Variants in IFT74 observed in about 807,000 individuals in gnomAD.
The protein encoded by IFT74 is intraflagellar transport protein 74 homolog.
Under a neutral mutation model 96.7 loss-of-function variants are expected in IFT74, and 92 were observed. The observed-to-expected ratio is 0.95, with a 90% CI of 0.80 to 1.13. IFT74 has a LOEUF of 1.13. IFT74 is among the 50% of genes most tolerant of loss of function. IFT74 has a pLI of 0.00. For missense variants in IFT74, 811 were observed against 698.2 expected, an observed-to-expected ratio of 1.16 and a Z score of -1.82; for synonymous variants, 223 against 213.2, an observed-to-expected ratio of 1.05 and a Z score of -0.40.
At chr9:26,995,131 T>A (rs1280302869) in intron 8 of IFT74, 2 of 154,502 alleles carry the variant, frequency 1.3e-5, no homozygotes, top group Non-Finnish European at 2.9e-5. Context: ...TATTAATAAA[T>A]CCTAAACTTT....
At chr9:27,045,485 A>G (rs1041028162) in intron 14 of IFT74, among the ~76,000 whole-genome samples, 3 of 151,944 alleles carry the variant, frequency 2.0e-5, no homozygotes, top group Non-Finnish European at 2.9e-5. Context: ...TACTTATCTC[A>G]TTGTTTATTA....
At chr9:27,055,569 A>C (rs1257235213) in intron 16 of IFT74, 40 bp from the exon 17 acceptor site, 18 of 1,424,616 alleles carry the variant, frequency 1.3e-5, no homozygotes, top group Non-Finnish European at 1.6e-5. Flanking sequence ...GAAAGGAATA[A>C]AATTTTGATT....
chr9:26,984,591 T>G (rs756679911), intron 6 of IFT74, 32 bp downstream of exon 6: 2 of 1,528,566 alleles, frequency 1.3e-6, no homozygotes, highest in East Asian at 4.5e-5. Context: ...AATTTACTGT[T>G]AATATTTTCA....
chr9:27,047,879 C>T (rs1246930560), intron 15 of IFT74, among the ~76,000 whole-genome samples: 2 of 151,956 alleles, frequency 1.3e-5, no homozygotes, highest in Non-Finnish European at 2.9e-5. Flanking sequence ...AAGACTCCAA[C>T]CAGTTTCTAA....
intron 13 of IFT74, among the ~76,000 whole-genome samples, chr9:27,033,035 C>G (rs1830195923): frequency 6.6e-6 from 1 of 151,944 alleles, no homozygotes; most frequent in Non-Finnish European, 1.5e-5. Flanking sequence ...TCTCCTCATC[C>G]AAGTCTTCAG....
chr9:26,984,173 G>A (rs929807330), intron 4 of IFT74, 84 bp from the exon 5 acceptor site: 22 of 975,232 alleles, frequency 2.3e-5, no homozygotes, highest in Admixed American at 1.3e-4. Flanking sequence ...TTATTATTAC[G>A]TATTAATGGA....
rs1399224052 is a variant in IFT74 at position 27,065,967 on chromosome 9, C to G, written c.*3231C>G. 6.6e-6 allele frequency among the ~76,000 whole-genome samples: 1 copy of G among 152,072 alleles called. No individual in the cohort carries two copies. Among genetic ancestry groups the G allele is most frequent in the Non-Finnish European group, 1.5e-5 (1 of 67,996 alleles). ...ATTTTTAAAAAGGCAATTTTTAATA[C>G]AAAGGTAGATAATTTAGGAAGACAG... On this transcript the variant is annotated 3_prime_UTR_variant, in exon 20 of 20. Coordinates refer to ENST00000380062, the MANE Select transcript of IFT74 (RefSeq NM_025103.4).
intron 16 of IFT74, among the ~76,000 whole-genome samples, chr9:27,053,566 C>G (rs1030351452): frequency 6.6e-6 from 1 of 152,158 alleles, no homozygotes; most frequent in African/African-American, 2.4e-5. Flanking sequence ...GCTTGGTAAA[C>G]TTTGCAACTT....
At chr9:26,962,948 CTTTTTTTT>C (rs1227096750) in intron 2 of IFT74, among the ~76,000 whole-genome samples, 3 of 137,980 alleles carry the variant, frequency 2.2e-5, no homozygotes, top group African/African-American at 8.0e-5. Context: ...TTCTTTTTTT[CTTTTTTTT>C]ATTTTTATTT....
intron 8 of IFT74, among the ~76,000 whole-genome samples, chr9:27,008,033 C>T (rs1037876278): frequency 3.3e-5 from 5 of 152,180 alleles, no homozygotes; most frequent in African/African-American, 4.8e-5. Context: ...ATTAATTTCA[C>T]TATTACTACT....
rs1434594619 is a variant in IFT74 at position 27,008,898 on chromosome 9, G to C, written c.588-122G>C. ...TTAGTACAAATATAAAGACTTTTCA[G>C]TCACACACTGTGGTTGAATGTCTTT... On this transcript the variant is annotated intron_variant, in intron 8 of 19. Transcript: ENST00000380062. 6 of 755,212 alleles carry C rather than the reference G, an allele frequency of 7.9e-6. No homozygotes were observed. The African/African-American group carries it at 1.1e-4, about 13-fold the overall frequency. The allele number at this position is 755,212 out of a possible 1,614,324, so 46.8% of individuals were successfully genotyped here.
Position 27,023,892 on chromosome 9 carries a change from G to A in IFT74, c.975-5133G>A, listed in dbSNP as rs573897826. Among the ~76,000 whole-genome samples the A allele has an allele frequency of 1.2e-3, 176 of 152,184 alleles. 1 individual carries two copies. The highest frequency in any genetic ancestry group is 3.4e-3 in the Middle Eastern group (1 of 294). ...CTGATGGTCTTTCTCTACCCGCCTC[G>A]TAGCCAAAGACAAAAGACATAAACT... On this transcript the variant is annotated intron_variant, in intron 12 of 19. Coordinates refer to ENST00000380062, the MANE Select transcript of IFT74 (RefSeq NM_025103.4).
intron 4 of IFT74, among the ~76,000 whole-genome samples, chr9:26,982,881 C>G (rs113674019): frequency 1.3e-5 from 2 of 152,126 alleles, no homozygotes; most frequent in African/African-American, 4.8e-5. Context: ...CGTGAGCTGC[C>G]GCACTCGGCC....
chr9:27,035,930 A>G (rs1367904930), intron 13 of IFT74, among the ~76,000 whole-genome samples: 1 of 152,216 alleles, frequency 6.6e-6, no homozygotes, highest in Non-Finnish European at 1.5e-5. Flanking sequence ...CATGCAGTCA[A>G]AAATCCATGT....
rs963149736 is a variant in IFT74, at chr9:26,988,797, A to G, written c.525+69A>G. ...CCTACAAAACAAAGCATTTATATCT[A>G]GAAATAGTTTGATAAAACCTTAAGT... is the stretch of plus-strand genomic sequence containing the variant. On this transcript the variant is annotated intron_variant, in intron 7 of 19. Coordinates refer to ENST00000380062, the MANE Select transcript of IFT74 (RefSeq NM_025103.4). 9.8e-6 allele frequency: 13 copies of G among 1,322,596 alleles called. No individual in the cohort carries two copies. In the Admixed American group the frequency reaches 3.0e-4, roughly 31 times the overall value. 81.9% of individuals were successfully genotyped at this position (1,322,596 alleles called of 1,614,324 possible).
rs544758606 is a variant in IFT74 at position 27,009,223 on chromosome 9, T to C, written c.726+65T>C. 26 of 1,445,168 alleles carry C rather than the reference T, an allele frequency of 1.8e-5. No homozygotes were observed. In the East Asian group the frequency reaches 4.8e-4, roughly 27 times the overall value. The allele number at this position is 1,445,168 out of a possible 1,614,324, so 89.5% of individuals were successfully genotyped here. On this transcript the variant is annotated intron_variant, in intron 9 of 19. Transcript: ENST00000380062. ...CTTGCTACTAAAAGTATAGTTTGAA[T>C]ATCAGCAGCATCAGCATCCCCTGAG... is the stretch of plus-strand genomic sequence containing the variant.
rs189612571 is a variant in IFT74, at chr9:27,061,394, A to C, written c.1684+743A>C. On this transcript the variant is annotated intron_variant, in intron 19 of 19. Transcript: ENST00000380062. ...TTAAGATTCAGTTTTCCGGGATCAC[A>C]GGGCTTGGGTAAAGTTAAACATTAT... 4.2e-3 allele frequency among the ~76,000 whole-genome samples: 634 copies of C among 152,254 alleles called. 6 individuals are homozygous for C. Among genetic ancestry groups the C allele is most frequent in the African/African-American group, 0.015 (617 of 41,542 alleles).
chr9:27,059,068 G>GA (rs982144503), intron 18 of IFT74, among the ~76,000 whole-genome samples: 26 of 152,276 alleles, frequency 1.7e-4, no homozygotes, highest in African/African-American at 6.0e-4. Context: ...GAAAGCACTT[G>GA]AAAAACACCA....
intron 14 of IFT74, 55 bp from the exon 15 acceptor site, chr9:27,047,219 T>G: frequency 9.7e-7 from 1 of 1,034,464 alleles, no homozygotes; most frequent in Non-Finnish European, 1.5e-6. Flanking sequence ...AAATCAGAGT[T>G]TATATAGTGT....
Sources: gnomAD v4.1 joint callset for allele counts (sites outside exome capture counted in the v4.1 genomes callset) on GRCh38, gnomAD v4.1.1 for gene constraint, MANE v1.5 for transcripts, NCBI Gene and HGNC (gene_info 2026-07-23, HGNC 2026-07-21) for gene names.